The following CIC variants were observed in gnomAD, a reference collection of about 807,000 sequenced individuals.
CIC encodes capicua transcriptional repressor.
A neutral mutation model predicts 115.7 loss-of-function variants in CIC; 18 were observed. That is an observed-to-expected ratio of 0.16 (90% CI 0.11 to 0.23). CIC has a LOEUF of 0.23. Ranked by LOEUF, CIC falls within the 10% of genes least tolerant of loss-of-function variation. CIC has a pLI of 1.00. For synonymous variants in CIC, 1,076 were observed against 923.0 expected (o/e 1.17, Z -3.01); for missense variants, 2,000 against 2,159.3 (o/e 0.93, Z 1.46).
intron 2 of CIC, chr19:42,284,578 G>C (rs1162806775): frequency 6.9e-5 from 24 of 347,360 alleles, no homozygotes; most frequent in Admixed American, 1.0e-4. Context: ...GGGGGGGGGG[G>C]CATGCGGCGA....
rs762179630 is a variant in CIC at position 42,288,948 on chromosome 19, C to T, written c.3719C>T (p.Pro1240Leu). 11 of 1,613,940 alleles carry T rather than the reference C, an allele frequency of 6.8e-6. No homozygotes were observed. Among genetic ancestry groups the T allele is most frequent in the Admixed American group, 5.0e-5 (3 of 60,006 alleles). The change falls in exon 8 of 21, where the codon CCG becomes CTG. Residue 1240 changes from proline (P) to leucine (L), a missense_variant. By Grantham distance (98) the Pro-to-Leu change is moderately conservative. This residue lies in a region of CIC where 1,466 missense variants were observed against 1,390.4 expected (regional missense o/e 1.05). Transcript: ENST00000681038. ...CTCCTGAGCTCAGACACCAAGGCTC[C>T]GGGGAGCAGCTCCTGTGGGGCAGAA... ...QTLLSSDTKA[P>L]GSSSCGAERL...
Position 42,291,121 on chromosome 19 carries a change from G to T in CIC, c.5080G>T (p.Ala1694Ser), listed in dbSNP as rs1332491191. The T allele has an allele frequency of 6.8e-6, 11 of 1,609,374 alleles. No homozygotes were observed. Among genetic ancestry groups the T allele is most frequent in the Non-Finnish European group, 8.5e-6 (10 of 1,176,878 alleles). ...TGCTGTCCAGTTCATTGCCCAGGGG[G>T]CCCCTGGTGGTGGGACCACTGCGGG... is the stretch of plus-strand genomic sequence containing the variant. ...PPAVQFIAQG[A>S]PGGGTTAGSG... Residue 1694 changes from alanine to serine, a missense_variant, in exon 11 of 21, where the codon GCC becomes TCC. Ala to Ser is a moderately conservative substitution (Grantham distance 99). Around this residue, in one of 8 missense-constraint regions of CIC, gnomAD observed 1,466 missense variants for 1,390.4 expected, o/e 1.05. Transcript: ENST00000681038.
chr19:42,281,367 G>A (rs1322225345), intron 2 of CIC, among the ~76,000 whole-genome samples: 6 of 152,210 alleles, frequency 3.9e-5, no homozygotes, highest in Non-Finnish European at 8.8e-5. Context: ...CTCTGGGCAG[G>A]CCTCAGCCTG....
At position 42,293,039 on chromosome 19, in the gene CIC, G is replaced by A. The variant is rs587778202; in HGVS notation, c.6280G>A (p.Ala2094Thr). ...KAPQKVKAAI[A>T]SIPVGSFEAG... ...CCCCCAGAAAGTGAAGGCAGCCATC[G>A]CCAGCATTCCCGTGGGGTCCTTTGA... Residue 2094 changes from alanine to threonine, a missense_variant, in exon 16 of 21, where the codon GCC becomes ACC. Coordinates refer to ENST00000681038, the MANE Select transcript of CIC (RefSeq NM_001386298.1). 5 of 1,612,896 alleles carry A rather than the reference G, an allele frequency of 3.1e-6. No homozygotes were observed. Among genetic ancestry groups the A allele is most frequent in the Non-Finnish European group, 4.2e-6 (5 of 1,179,880 alleles).
At chr19:42,284,728 G>A in intron 2 of CIC, 1 of 1,556,322 alleles carries the variant, frequency 6.4e-7, no homozygotes, top group South Asian at 1.2e-5. Flanking sequence ...ACAGGCCCCT[G>A]ATGCCCGCGT....
At chr19:42,291,989 C>G in intron 12 of CIC, 97 bp from the exon 13 acceptor site, 3 of 1,568,520 alleles carry the variant, frequency 1.9e-6, no homozygotes, top group Non-Finnish European at 2.6e-6. Context: ...TTCTGTGTTC[C>G]TTGCTTTTGC....
At position 42,291,843 on chromosome 19, in the gene CIC, C is replaced by T. The variant is rs112082727; in HGVS notation, c.5613+98C>T. ...CAGTCTTTTCTCCTTCTCCATGTATCTGGTTCTCTGTCTTGCCATCTTCCG... is the reference window on the plus strand; with the variant it reads ...CAGTCTTTTCTCCTTCTCCATGTATTTGGTTCTCTGTCTTGCCATCTTCCG... On this transcript the variant is annotated intron_variant, in intron 12 of 20. Coordinates refer to ENST00000681038, the MANE Select transcript of CIC (RefSeq NM_001386298.1). 14,732 of 1,478,056 alleles carry T rather than the reference C, an allele frequency of 1.0e-2. 813 individuals are homozygous for T. The African/African-American group carries it at 0.14, about 14-fold the overall frequency. The allele number at this position is 1,478,056 out of a possible 1,614,324, so 91.6% of individuals were successfully genotyped here.
chr19:42,271,897 C>G lies in CIC; in HGVS notation c.114C>G (p.Asp38Glu), dbSNP rs1346000950. The part of the protein sequence containing the change: ...ALRRRGAGEG[D>E]KPEEEDDEAQ... ...GGCGGCGAGGGGCTGGGGAGGGTGACAAGCCAGAGGAGGAGGATGACGAGG... is the reference window on the plus strand; with the variant it reads ...GGCGGCGAGGGGCTGGGGAGGGTGAGAAGCCAGAGGAGGAGGATGACGAGG... Residue 38 changes from aspartate to glutamate, a missense_variant, in exon 2 of 21, where the codon GAC becomes GAG. This residue lies in a region of CIC where 222 missense variants were observed against 247.7 expected (regional missense o/e 0.90). Transcript: ENST00000681038. 2.8e-5 allele frequency: 11 copies of G among 398,798 alleles called. No individual in the cohort carries two copies. Among genetic ancestry groups the G allele is most frequent in the Non-Finnish European group, 4.4e-5 (10 of 226,292 alleles). The allele number at this position is 398,798 out of a possible 1,614,324, so 24.7% of individuals were successfully genotyped here.
In CIC at chr19:42,272,173, C is replaced by T; in HGVS notation, c.390C>T (p.Ser130=). The change falls in exon 2 of 21, where the codon AGC becomes AGT. Residue 130 remains serine, a synonymous_variant. Transcript: ENST00000681038. ...ATGTGGAGGAGCACGGAGCTGGCAGCAGTGGGGTGGCTGGGGCCCCTGAAG... is the reference window on the plus strand; with the variant it reads ...ATGTGGAGGAGCACGGAGCTGGCAGTAGTGGGGTGGCTGGGGCCCCTGAAG... ...KKYVEEHGAG[S]SGVAGAPEER... The T allele has an allele frequency of 2.5e-6, 1 of 399,028 alleles. No homozygotes were observed. Among genetic ancestry groups the T allele is most frequent in the East Asian group, 3.6e-5 (1 of 28,086 alleles). 24.7% of individuals were successfully genotyped at this position (399,028 alleles called of 1,614,324 possible).
chr19:42,284,596 C>T lies in CIC; in HGVS notation c.2795-2175C>T, dbSNP rs1382901959. ...GGGGGGGGCATGCGGCGACGGCCTC[C>T]CGCTCCCCCCGGGCCCAAGCGGCGA... On this transcript the variant is annotated intron_variant, in intron 2 of 20. Transcript: ENST00000681038. The T allele has an allele frequency of 2.1e-5, 11 of 521,572 alleles. No homozygotes were observed. The African/African-American group carries it at 2.2e-4, about 11-fold the overall frequency. 32.3% of individuals were successfully genotyped at this position (521,572 alleles called of 1,614,324 possible).
intron 2 of CIC, among the ~76,000 whole-genome samples, chr19:42,276,759 A>ACC (rs947051118): frequency 9.9e-5 from 15 of 151,174 alleles, no homozygotes; most frequent in East Asian, 7.8e-4. Flanking sequence ...CCTACCCTTC[A>ACC]CCCCCCCATA....
Position 42,291,662 on chromosome 19 carries a change from G to A in CIC, c.5530G>A (p.Gly1844Ser), listed in dbSNP as rs774813086. Residue 1844 changes from glycine to serine, a missense_variant, in exon 12 of 21, where the codon GGT becomes AGT. By Grantham distance (56) the Gly-to-Ser change is moderately conservative. Coordinates refer to ENST00000681038, the MANE Select transcript of CIC (RefSeq NM_001386298.1). Reference protein sequence around the residue: ...PLAAPSMSVRGGGAGQPLPLV... With the variant: ...PLAAPSMSVRSGGAGQPLPLV... ...GGCCGCCCCTAGCATGTCAGTGCGG[G>A]GTGGAGGGGCCGGCCAGCCACTGCC... 2 of 1,613,008 alleles carry A rather than the reference G, an allele frequency of 1.2e-6. No individual in the cohort carries two copies. Among genetic ancestry groups the A allele is most frequent in the African/African-American group, 1.3e-5 (1 of 75,032 alleles).
rs893828962 is a variant in CIC at position 42,295,463 on chromosome 19, A to G, written c.*272A>G. The G allele has an allele frequency of 9.4e-6, 4 of 424,588 alleles. No homozygotes were observed. The East Asian group carries it at 1.7e-4, about 18-fold the overall frequency. The allele number at this position is 424,588 out of a possible 1,614,324, so 26.3% of individuals were successfully genotyped here. ...ACCTTCAGAGCTTTTCACTTTATGCAAAATGGCTCCTGTGAGGGCTGCAAG... is the reference window on the plus strand; with the variant it reads ...ACCTTCAGAGCTTTTCACTTTATGCGAAATGGCTCCTGTGAGGGCTGCAAG... On this transcript the variant is annotated 3_prime_UTR_variant, in exon 21 of 21. Coordinates refer to ENST00000681038, the MANE Select transcript of CIC (RefSeq NM_001386298.1).
chr19:42,289,800 C>A, intron 9 of CIC, 48 bp from the exon 10 acceptor site: 1 of 1,434,654 alleles, frequency 7.0e-7, no homozygotes, highest in Non-Finnish European at 9.6e-7. Flanking sequence ...TCTCCTGGGT[C>A]CCCCTGCATC....
At chr19:42,284,810 G>T in intron 2 of CIC, 2 of 1,508,698 alleles carry the variant, frequency 1.3e-6, no homozygotes, top group South Asian at 2.4e-5. Context: ...AGGGGTCAAG[G>T]TGTCGGGGTG....
In CIC at chr19:42,280,502, C is replaced by A. The variant is rs527822452; in HGVS notation, c.2794+5925C>A. ...TCCTTCTCATTGGCTGCCGTCTCGC[C>A]CGCTGACCGCTGATTGGCCGAGACC... On this transcript the variant is annotated intron_variant, in intron 2 of 20. Transcript: ENST00000681038. The surrounding 1 kb of genome is among the most constrained non-coding windows in gnomAD (Gnocchi z 4.9). Among the ~76,000 whole-genome samples, 6 of 152,270 alleles carry A rather than the reference C, an allele frequency of 3.9e-5. No homozygotes were observed. Among genetic ancestry groups the A allele is most frequent in the Non-Finnish European group, 7.4e-5 (5 of 68,000 alleles).
chr19:42,283,732 A>G (rs2037376948), intron 2 of CIC, among the ~76,000 whole-genome samples: 2 of 152,112 alleles, frequency 1.3e-5, no homozygotes, highest in East Asian at 3.9e-4. Flanking sequence ...CGCACAACCC[A>G]GAGACCTCCG....
intron 2 of CIC, among the ~76,000 whole-genome samples, chr19:42,285,502 A>C (rs184531955): frequency 6.6e-6 from 1 of 152,090 alleles, no homozygotes; most frequent in African/African-American, 2.4e-5. Flanking sequence ...CCTGAGGTCT[A>C]CTTTTTCCTT....
At chr19:42,282,200 G>T (rs2037289188) in intron 2 of CIC, among the ~76,000 whole-genome samples, 1 of 152,216 alleles carries the variant, frequency 6.6e-6, no homozygotes, top group Non-Finnish European at 1.5e-5. Flanking sequence ...ACAGCCAAGT[G>T]TCTGGCCCTG....
Sources: allele counts gnomAD v4.1 joint callset (sites outside exome capture counted in the v4.1 genomes callset), GRCh38; gene constraint gnomAD v4.1.1; regional missense constraint gnomAD v4.1.1; non-coding constraint Gnocchi (gnomAD v3.1); transcripts MANE v1.5; gene names NCBI Gene and HGNC (gene_info 2026-07-23, HGNC 2026-07-21).